RIMS2: variants seen among roughly 807,000 people sequenced by gnomAD.
The protein encoded by RIMS2 is regulating synaptic membrane exocytosis 2, also known as regulating synaptic membrane exocytosis protein 2.
In RIMS2, 59 loss-of-function variants were observed where a neutral mutation model predicts 174.4. That is an observed-to-expected ratio of 0.34 (90% confidence interval 0.27 to 0.42). RIMS2 has a LOEUF of 0.42. Among genes scored for constraint, RIMS2 ranks in the 10% least tolerant of loss-of-function variants. The probability of loss-of-function intolerance (pLI) is 1.00; values close to 1 mark genes in which losing one functional copy is unlikely to be tolerated. For synonymous variants in RIMS2, 606 were observed against 572.5 expected (o/e 1.06, Z -0.84); for missense variants, 1,620 against 1,666.3 (o/e 0.97, Z 0.48).
chr8:104,003,130 TACACA>T (rs899322362), intron 17 of RIMS2, among the ~76,000 whole-genome samples: 1 of 152,156 alleles, frequency 6.6e-6, no homozygotes, highest in African/African-American at 2.4e-5. Context: ...CTTAGAGCTA[TACACA>T]ACATATTAAG....
At chr8:103,611,175 G>A (rs1233249929) in intron 1 of RIMS2, among the ~76,000 whole-genome samples, 2 of 151,926 alleles carry the variant, frequency 1.3e-5, no homozygotes, top group Admixed American at 1.3e-4. Flanking sequence ...TTTCTATGGG[G>A]TTAGTGGTCA....
chr8:104,112,712 G>A (rs933717539), intron 19 of RIMS2, among the ~76,000 whole-genome samples: 1 of 152,164 alleles, frequency 6.6e-6, no homozygotes, highest in Non-Finnish European at 1.5e-5. Flanking sequence ...AGGGCATACT[G>A]AAATTTTAGG....
chr8:104,237,320 A>G (rs144124582), intron 19 of RIMS2, among the ~76,000 whole-genome samples: 1 of 152,316 alleles, frequency 6.6e-6, no homozygotes, highest in African/African-American at 2.4e-5. Flanking sequence ...ACAAACAACT[A>G]AAAATATTAA....
chr8:103,748,708 A>T (rs2097850348), intron 2 of RIMS2, among the ~76,000 whole-genome samples: 1 of 152,014 alleles, frequency 6.6e-6, no homozygotes, highest in South Asian at 2.1e-4. Flanking sequence ...TTATATAATT[A>T]TGTCTGGTCC....
chr8:103,597,450 G>A (rs1197248188), intron 1 of RIMS2, among the ~76,000 whole-genome samples: 1 of 152,042 alleles, frequency 6.6e-6, no homozygotes, highest in Non-Finnish European at 1.5e-5. Context: ...TCCTGCTTCA[G>A]GTTCTACTTG....
chr8:103,776,322 A>G (rs1192778211), intron 3 of RIMS2, among the ~76,000 whole-genome samples: 1 of 152,134 alleles, frequency 6.6e-6, no homozygotes, highest in Admixed American at 6.6e-5. Flanking sequence ...GTGGTGGTAG[A>G]AGTATTTGAC....
At chr8:103,552,763 A>G (rs551934221) in intron 1 of RIMS2, among the ~76,000 whole-genome samples, 5 of 152,294 alleles carry the variant, frequency 3.3e-5, no homozygotes, top group Non-Finnish European at 7.4e-5. Flanking sequence ...GAATCAAACA[A>G]CCCCATCAAA....
chr8:103,924,934 G>T (rs924088511), intron 10 of RIMS2, among the ~76,000 whole-genome samples: 2 of 151,472 alleles, frequency 1.3e-5, no homozygotes, highest in Admixed American at 1.3e-4. Flanking sequence ...GCATGAGTTC[G>T]GGTTTATGCC....
intron 2 of RIMS2, among the ~76,000 whole-genome samples, chr8:103,703,899 C>T (rs930584304): frequency 2.0e-5 from 3 of 151,912 alleles, no homozygotes; most frequent in Admixed American, 6.6e-5. Context: ...GTCATCTTTA[C>T]GGTTTTAACA....
chr8:103,788,927 C>T (rs1188401454), intron 3 of RIMS2, among the ~76,000 whole-genome samples: 1 of 152,202 alleles, frequency 6.6e-6, no homozygotes, highest in Non-Finnish European at 1.5e-5. Context: ...AGCGAGACTC[C>T]GTGGGCGTTG....
In RIMS2 at chr8:104,038,040, G is replaced by A. The variant is rs373928284; in HGVS notation, c.3334+23425G>A. Among the ~76,000 whole-genome samples the A allele has an allele frequency of 2.6e-5, 4 of 152,018 alleles. No individual in the cohort carries two copies. In the East Asian group the frequency reaches 5.8e-4, roughly 22 times the overall value. ...CAGGACTATATCATAGCCTGGGTGT[G>A]TAGTAGGCTATACCATGTAGGTTTG... is the stretch of plus-strand genomic sequence containing the variant. On this transcript the variant is annotated intron_variant, in intron 19 of 23. Transcript: ENST00000504942.
chr8:103,843,498 A>G (rs1437691260), intron 3 of RIMS2, among the ~76,000 whole-genome samples: 1 of 152,188 alleles, frequency 6.6e-6, no homozygotes, highest in Non-Finnish European at 1.5e-5. Context: ...TAAAAGAAGG[A>G]TATTGATGAT....
chr8:104,017,554 ATT>A (rs2095953543), intron 19 of RIMS2, among the ~76,000 whole-genome samples: 1 of 152,064 alleles, frequency 6.6e-6, no homozygotes, highest in South Asian at 2.1e-4. Flanking sequence ...GTAAAATGTC[ATT>A]TTCTCTTTTT....
At chr8:104,181,224 G>A (rs369986783) in intron 19 of RIMS2, among the ~76,000 whole-genome samples, 75 of 151,658 alleles carry the variant, frequency 4.9e-4, no homozygotes, top group African/African-American at 1.8e-3. Flanking sequence ...GTCTATTGAA[G>A]CATATCTTGG....
intron 2 of RIMS2, among the ~76,000 whole-genome samples, chr8:103,752,734 T>C (rs1470965970): frequency 6.6e-6 from 1 of 150,934 alleles, no homozygotes; most frequent in African/African-American, 2.5e-5. Context: ...GCTCTCTGTT[T>C]GTCTCTTATT....
intron 3 of RIMS2, among the ~76,000 whole-genome samples, chr8:103,821,689 C>T (rs1269686216): frequency 2.0e-5 from 3 of 151,392 alleles, no homozygotes; most frequent in African/African-American, 7.3e-5. Context: ...TCTTTTAAAC[C>T]TTTTATTCTG....
At chr8:103,540,905 T>C (rs967615627) in intron 1 of RIMS2, among the ~76,000 whole-genome samples, 1 of 151,914 alleles carries the variant, frequency 6.6e-6, no homozygotes, top group Non-Finnish European at 1.5e-5. Flanking sequence ...GCAGCAGAGT[T>C]GATCAAGCAG....
chr8:103,792,880 A>G (rs139528624), intron 3 of RIMS2, among the ~76,000 whole-genome samples: 23,876 of 152,066 alleles, frequency 0.16, 1,978 homozygotes, highest in Middle Eastern at 0.24. Flanking sequence ...AGACTAAACC[A>G]GGAAGAAGTT....
intron 2 of RIMS2, among the ~76,000 whole-genome samples, chr8:103,721,706 C>G (rs1186146767): frequency 6.6e-6 from 1 of 152,126 alleles, no homozygotes; most frequent in Non-Finnish European, 1.5e-5. Context: ...ATCATGAATA[C>G]CATTCCATCC....
Sources: gnomAD v4.1 joint callset for allele counts (sites outside exome capture counted in the v4.1 genomes callset) on GRCh38, gnomAD v4.1.1 for gene constraint, MANE v1.5 for transcripts, NCBI Gene and HGNC (gene_info 2026-07-23, HGNC 2026-07-21) for gene names.